The following TMED8 variants were observed in gnomAD, a reference collection of about 807,000 sequenced individuals.
TMED8 encodes protein TMED8.
Under a neutral mutation model 32.7 loss-of-function variants are expected in TMED8, and 15 were observed. The observed-to-expected ratio is 0.46, with a 90% CI of 0.31 to 0.71. TMED8 has a LOEUF of 0.71. TMED8 is among the 30% of genes least tolerant of loss of function. TMED8 has a pLI of 0.06. For missense variants in TMED8, 390 were observed against 423.9 expected, an observed-to-expected ratio of 0.92 and a Z score of 0.70; for synonymous variants, 147 against 161.4, an observed-to-expected ratio of 0.91 and a Z score of 0.68.
chr14:77,342,085 G>A, intron 5 of TMED8, 97 bp from the exon 6 acceptor site: 1 of 949,690 alleles, frequency 1.1e-6, no homozygotes. Flanking sequence ...CACAGAGCGG[G>A]GAGATTATTG....
intron 2 of TMED8, 72 bp from the exon 3 acceptor site, chr14:77,346,550 A>C (rs1893041766): frequency 2.5e-6 from 4 of 1,594,374 alleles, no homozygotes. Flanking sequence ...GAAACTTTGA[A>C]ATAAAACAAC....
rs28441623 is a variant in TMED8 at position 77,363,567 on chromosome 14, C to T, written c.119-11816G>A. On this transcript the variant is annotated intron_variant, in intron 1 of 5. Coordinates refer to ENST00000216468, the MANE Select transcript of TMED8 (RefSeq NM_213601.3). ...ATCCCAGTACTTTGGGAAGCTGAGA[C>T]AGGAGGATCACTTGAGTTCCAGGCT... Among the ~76,000 whole-genome samples, 425 of 152,226 alleles carry T rather than the reference C, an allele frequency of 2.8e-3. 5 individuals carry two copies. The highest frequency in any genetic ancestry group is 9.7e-3 in the African/African-American group (403 of 41,538).
At chr14:77,351,598 C>T in intron 2 of TMED8, 75 bp downstream of exon 2, 1 of 1,372,512 alleles carries the variant, frequency 7.3e-7, no homozygotes, top group African/African-American at 1.5e-5. Flanking sequence ...CGCTTAAAGT[C>T]ACTACCTATT....
intron 1 of TMED8, among the ~76,000 whole-genome samples, chr14:77,358,199 A>T (rs778429759): frequency 2.0e-5 from 3 of 151,134 alleles, no homozygotes; most frequent in South Asian, 2.1e-4. Context: ...ACACACACAC[A>T]CACACGAATA....
At chr14:77,357,793 T>C (rs1893325340) in intron 1 of TMED8, among the ~76,000 whole-genome samples, 1 of 152,202 alleles carries the variant, frequency 6.6e-6, no homozygotes, top group African/African-American at 2.4e-5. Context: ...TGGAATCAAC[T>C]ATTTCTCTAA....
chr14:77,362,248 T>C (rs574064598), intron 1 of TMED8, among the ~76,000 whole-genome samples: 3 of 152,226 alleles, frequency 2.0e-5, no homozygotes, highest in Admixed American at 6.5e-5. Context: ...CTATGTTGAA[T>C]AGAAGTGATG....
At chr14:77,365,867 T>C (rs991013276) in intron 1 of TMED8, among the ~76,000 whole-genome samples, 3 of 152,002 alleles carry the variant, frequency 2.0e-5, no homozygotes, top group African/African-American at 7.2e-5. Flanking sequence ...ATGGCAGCCA[T>C]AGGTAGGATG....
At position 77,372,952 on chromosome 14, in the gene TMED8, A is replaced by AT. The variant is rs1160815178; in HGVS notation, c.118+3983dup. Among the ~76,000 whole-genome samples, 24 of 14,312 alleles carry AT rather than the reference A, an allele frequency of 1.7e-3. 3 individuals are homozygous for AT. The highest frequency in any genetic ancestry group is 2.0e-3 in the Non-Finnish European group (18 of 9,160). The allele number at this position is 14,312 out of a possible 152,430, so 9.4% of individuals were successfully genotyped here. A position where few individuals can be genotyped will look rare whatever the true frequency, so the allele number is the denominator to read the frequency against. On this transcript the variant is annotated intron_variant, in intron 1 of 5. Transcript: ENST00000216468. ...TATATATATATATATATATATATATATTTTTTTTTTTTTTTTTTTTTTTTT... is the reference window on the plus strand; with the variant it reads ...TATATATATATATATATATATATATATTTTTTTTTTTTTTTTTTTTTTTTTT...
intron 1 of TMED8, among the ~76,000 whole-genome samples, chr14:77,371,830 T>C (rs2139638855): frequency 6.6e-6 from 1 of 152,326 alleles, no homozygotes; most frequent in East Asian, 1.9e-4. Flanking sequence ...AAAGTATTCC[T>C]AGAAGAGATC....
chr14:77,368,192 T>G (rs888153329), intron 1 of TMED8, among the ~76,000 whole-genome samples: 1 of 152,200 alleles, frequency 6.6e-6, no homozygotes, highest in Non-Finnish European at 1.5e-5. Flanking sequence ...GTCATAGAAA[T>G]TTGAATGTTA....
At chr14:77,349,981 C>A (rs533060239) in intron 2 of TMED8, among the ~76,000 whole-genome samples, 2 of 152,298 alleles carry the variant, frequency 1.3e-5, no homozygotes, top group South Asian at 4.1e-4. Context: ...TTGTTTAATC[C>A]TCCTGGCAGA....
chr14:77,340,747 A>G lies in TMED8; in HGVS notation c.*1024T>C, dbSNP rs1440633934. The G allele has an allele frequency of 6.6e-6, 1 of 152,228 alleles. No individual in the cohort carries two copies. Among genetic ancestry groups the G allele is most frequent in the Non-Finnish European group, 1.5e-5 (1 of 68,040 alleles). The allele number at this position is 152,228 out of a possible 1,614,324, so 9.4% of individuals were successfully genotyped here. A position where few individuals can be genotyped will look rare whatever the true frequency, so the allele number is the denominator to read the frequency against. On this transcript the variant is annotated 3_prime_UTR_variant, in exon 6 of 6. Transcript: ENST00000216468. ...TGAACACCAAAAGCTTTAAGCCCTC[A>G]ATGCAAGAAAGCTAAATGCAGAAAC...
intron 1 of TMED8, among the ~76,000 whole-genome samples, chr14:77,360,609 G>A (rs1480771320): frequency 2.0e-5 from 3 of 152,058 alleles, no homozygotes; most frequent in African/African-American, 4.8e-5. Context: ...GTCTGTCAAC[G>A]GACACATAGA....
chr14:77,348,235 T>TC (rs914530558), intron 2 of TMED8, among the ~76,000 whole-genome samples: 6 of 151,742 alleles, frequency 4.0e-5, no homozygotes, highest in Non-Finnish European at 7.4e-5. Flanking sequence ...AATTTCTTTT[T>TC]TTTTTTGAGA....
chr14:77,352,862 G>T (rs1893210490), intron 1 of TMED8, among the ~76,000 whole-genome samples: 1 of 152,242 alleles, frequency 6.6e-6, no homozygotes, highest in Non-Finnish European at 1.5e-5. Flanking sequence ...AAAGTATAAA[G>T]TGTCACTTCT....
chr14:77,376,626 G>T lies in TMED8; in HGVS notation c.118+310C>A, dbSNP rs1893823724. 4.9e-6 allele frequency: 1 copy of T among 203,672 alleles called. No homozygotes were observed. The highest frequency in any genetic ancestry group is 2.3e-5 in the African/African-American group (1 of 43,434). 12.6% of individuals were successfully genotyped at this position (203,672 alleles called of 1,614,324 possible). ...AGACGGAGGTGGGACCCGAACCCCG[G>T]CTGAAGCTGAAACTGAAGCTGAAGA... On this transcript the variant is annotated intron_variant, in intron 1 of 5. Coordinates refer to ENST00000216468, the MANE Select transcript of TMED8 (RefSeq NM_213601.3). The surrounding 1 kb of genome is among the most constrained non-coding windows in gnomAD (Gnocchi z 4.0).
chr14:77,374,034 G>C (rs1031096370), intron 1 of TMED8, among the ~76,000 whole-genome samples: 1 of 152,144 alleles, frequency 6.6e-6, no homozygotes, highest in Non-Finnish European at 1.5e-5. Flanking sequence ...GCAATACCAT[G>C]AGCCAATTAA....
intron 5 of TMED8, 33 bp from the exon 6 acceptor site, chr14:77,342,021 C>T: frequency 6.2e-7 from 1 of 1,600,636 alleles, no homozygotes; most frequent in Non-Finnish European, 8.5e-7. Flanking sequence ...TGTTCAGAGA[C>T]TGCGTAAGTC....
At chr14:77,359,119 G>A (rs1893369498) in intron 1 of TMED8, among the ~76,000 whole-genome samples, 1 of 152,072 alleles carries the variant, frequency 6.6e-6, no homozygotes, top group South Asian at 2.1e-4. Flanking sequence ...ATGTAGCCCA[G>A]GCTGATCTCA....
Sources: allele counts gnomAD v4.1 joint callset (sites outside exome capture counted in the v4.1 genomes callset), GRCh38; gene constraint gnomAD v4.1.1; non-coding constraint Gnocchi (gnomAD v3.1); transcripts MANE v1.5; gene names NCBI Gene and HGNC (gene_info 2026-07-23, HGNC 2026-07-21).